Variants in GSDME observed in about 807,000 individuals in gnomAD.
The protein encoded by GSDME is gasdermin-E.
In GSDME, 44 loss-of-function variants were observed where a neutral mutation model predicts 47.5. The ratio of observed to expected loss-of-function variants is 0.93; its 90% CI spans 0.73 to 1.19. GSDME has a LOEUF of 1.19. Ranked by LOEUF, GSDME falls within the 50% of genes most tolerant of loss-of-function variation. GSDME has a pLI of 0.00. For synonymous variants in GSDME, 258 were observed against 252.8 expected (o/e 1.02, Z -0.20); for missense variants, 663 against 604.2 (o/e 1.10, Z -1.02).
At position 24,698,788 on chromosome 7, in the gene GSDME, C is replaced by A; in HGVS notation, c.*238G>T. On this transcript the variant is annotated 3_prime_UTR_variant, in exon 10 of 10. Transcript: ENST00000645220. Reference sequence around the variant, plus strand: ...AATTCTCCGCCCTCCCAGCTCTTTACATGCTGGAACCTAACTCAGATGCTG... The same window carrying A: ...AATTCTCCGCCCTCCCAGCTCTTTAAATGCTGGAACCTAACTCAGATGCTG... The A allele has an allele frequency of 1.8e-6, 1 of 551,284 alleles. No homozygotes were observed. The highest frequency in any genetic ancestry group is 2.0e-5 in the South Asian group (1 of 49,252). 34.1% of individuals were successfully genotyped at this position (551,284 alleles called of 1,614,324 possible).
intron 2 of GSDME, among the ~76,000 whole-genome samples, chr7:24,746,219 T>G (rs1790662829): frequency 2.0e-5 from 3 of 152,192 alleles, no homozygotes; most frequent in African/African-American, 7.2e-5. Flanking sequence ...GGTGTAAAAA[T>G]TTATCCTATT....
chr7:24,790,812 T>A, the GSDME span, among the ~76,000 whole-genome samples: 45 of 152,234 alleles, frequency 3.0e-4, no homozygotes, highest in African/African-American at 9.1e-4. This position sits in a 1 kb window ranked among gnomAD's most constrained non-coding sequence, Gnocchi z 4.1. Context: ...CCTTTTAGGG[T>A]TCCAGCACAT....
the GSDME span, among the ~76,000 whole-genome samples, chr7:24,768,749 G>T: frequency 0.13 from 19,409 of 152,208 alleles, 1,623 homozygotes; most frequent in East Asian, 0.41. The surrounding 1 kb of genome is among the most constrained non-coding windows in gnomAD (Gnocchi z 5.6). Flanking sequence ...AAGCAATCTG[G>T]TTCACCAAAT....
At position 24,698,783 on chromosome 7, in the gene GSDME, C is replaced by G; in HGVS notation, c.*243G>C. On this transcript the variant is annotated 3_prime_UTR_variant, in exon 10 of 10. Coordinates refer to ENST00000645220, the MANE Select transcript of GSDME (RefSeq NM_001127453.2). Reference sequence around the variant, plus strand: ...CTAAGAATTCTCCGCCCTCCCAGCTCTTTACATGCTGGAACCTAACTCAGA... The same window carrying G: ...CTAAGAATTCTCCGCCCTCCCAGCTGTTTACATGCTGGAACCTAACTCAGA... The G allele has an allele frequency of 1.8e-6, 1 of 547,068 alleles. No individual in the cohort carries two copies. The highest frequency in any genetic ancestry group is 3.3e-6 in the Non-Finnish European group (1 of 303,408). The allele number at this position is 547,068 out of a possible 1,614,324, so 33.9% of individuals were successfully genotyped here.
chr7:24,785,009 C>T, the GSDME span, among the ~76,000 whole-genome samples: 179 of 152,346 alleles, frequency 1.2e-3, 1 homozygote, highest in African/African-American at 4.0e-3. Flanking sequence ...TGCACCCTTC[C>T]ATCCAATCAA....
intron 1 of GSDME, among the ~76,000 whole-genome samples, chr7:24,755,481 A>G (rs1790985543): frequency 6.6e-6 from 1 of 152,102 alleles, no homozygotes; most frequent in Non-Finnish European, 1.5e-5. Context: ...CTTTCCCCAA[A>G]TCACCTACTA....
rs967336210 is a variant in GSDME at position 24,712,364 on chromosome 7, C to G, written c.698-1976G>C. ...GCCAGGTCCCCAAAATAATGTGGAA[C>G]CAACTGGCATTTTAAGAATCCACAG... is the stretch of plus-strand genomic sequence containing the variant. On this transcript the variant is annotated intron_variant, in intron 5 of 9. Transcript: ENST00000645220. This position sits in a 1 kb window ranked among gnomAD's most constrained non-coding sequence, Gnocchi z 4.4. 6.6e-6 allele frequency among the ~76,000 whole-genome samples: 1 copy of G among 152,188 alleles called. No homozygotes were observed.
chr7:24,747,670 AT>A (rs144659269), intron 2 of GSDME, among the ~76,000 whole-genome samples: 17,796 of 150,390 alleles, frequency 0.12, 1,252 homozygotes, highest in Middle Eastern at 0.2. Context: ...CTTATTAATC[AT>A]TTTTTTTTTC....
intron 3 of GSDME, among the ~76,000 whole-genome samples, chr7:24,741,782 C>T (rs1468322040): frequency 1.3e-5 from 2 of 152,156 alleles, no homozygotes; most frequent in East Asian, 1.9e-4. Context: ...AGTCCAGAGA[C>T]AGGCAGACAA....
chr7:24,712,013 A>G lies in GSDME; in HGVS notation c.698-1625T>C. Among the ~76,000 whole-genome samples the G allele has an allele frequency of 6.6e-6, 1 of 152,206 alleles. No individual in the cohort carries two copies. Among genetic ancestry groups the G allele is most frequent in the Non-Finnish European group, 1.5e-5 (1 of 68,046 alleles). ...TTGTGTACGTAAGCAAAGGCTATGG[A>G]ATAAAAATGTGGCAGGGCCCCGTAT... is the stretch of plus-strand genomic sequence containing the variant. On this transcript the variant is annotated intron_variant, in intron 5 of 9. Transcript: ENST00000645220. The surrounding 1 kb of genome is among the most constrained non-coding windows in gnomAD (Gnocchi z 4.4).
Position 24,726,761 on chromosome 7 carries a change from C to T in GSDME, c.405-7543G>A, listed in dbSNP as rs532674419. On this transcript the variant is annotated intron_variant, in intron 3 of 9. Transcript: ENST00000645220. This position sits in a 1 kb window ranked among gnomAD's most constrained non-coding sequence, Gnocchi z 5.6. Reference sequence around the variant, plus strand: ...GGTGGAACTTGCAGTGAGCCGAGATCGCCCACTGCACTCCAGCCCGGGGGA... The same window carrying T: ...GGTGGAACTTGCAGTGAGCCGAGATTGCCCACTGCACTCCAGCCCGGGGGA... Among the ~76,000 whole-genome samples, 84 of 150,490 alleles carry T rather than the reference C, an allele frequency of 5.6e-4. 1 individual carries two copies. The highest frequency in any genetic ancestry group is 4.8e-3 in the Admixed American group (72 of 15,112).
intron 3 of GSDME, among the ~76,000 whole-genome samples, chr7:24,741,081 C>A (rs1448240039): frequency 6.6e-6 from 1 of 152,134 alleles, no homozygotes; most frequent in Non-Finnish European, 1.5e-5. Flanking sequence ...CCAACTATCT[C>A]ACCTACAGCT....
chr7:24,778,288 T>C, the GSDME span, among the ~76,000 whole-genome samples: 39 of 151,930 alleles, frequency 2.6e-4, no homozygotes, highest in African/African-American at 8.7e-4. This position sits in a 1 kb window ranked among gnomAD's most constrained non-coding sequence, Gnocchi z 5.6. Context: ...CAGACATGGA[T>C]AGACCAGACA....
At chr7:24,730,369 G>A (rs904858997) in intron 3 of GSDME, among the ~76,000 whole-genome samples, 3 of 152,170 alleles carry the variant, frequency 2.0e-5, no homozygotes, top group African/African-American at 7.2e-5. Flanking sequence ...TTTCTCAATG[G>A]TACATAGAAT....
At position 24,698,902 on chromosome 7, in the gene GSDME, TCAC is replaced by T. The variant is rs1788742945; in HGVS notation, c.*121_*123del. ...GTCAGGTCATTCATCATGCAAAATG[TCAC>T]CACTTCTTAAACTGTTCTGTAAATT... On this transcript the variant is annotated 3_prime_UTR_variant, in exon 10 of 10. Transcript: ENST00000645220. 4 of 777,142 alleles carry T rather than the reference TCAC, an allele frequency of 5.1e-6. No individual in the cohort carries two copies. Among genetic ancestry groups the T allele is most frequent in the African/African-American group, 1.7e-5 (1 of 58,394 alleles). The allele number at this position is 777,142 out of a possible 1,614,324, so 48.1% of individuals were successfully genotyped here. A position where few individuals can be genotyped will look rare whatever the true frequency, so the allele number is the denominator to read the frequency against.
At chr7:24,784,859 C>A in the GSDME span, among the ~76,000 whole-genome samples, 1 of 152,134 alleles carries the variant, frequency 6.6e-6, no homozygotes, top group Admixed American at 6.5e-5. Flanking sequence ...CGCGCCCGGA[C>A]TGCCTTTTTC....
At chr7:24,766,000 G>A in the GSDME span, among the ~76,000 whole-genome samples, 1 of 152,120 alleles carries the variant, frequency 6.6e-6, no homozygotes, top group Non-Finnish European at 1.5e-5. Flanking sequence ...ATCTGGGGAA[G>A]ACATCAAACA....
At chr7:24,711,692 G>A (rs531316833) in intron 5 of GSDME, among the ~76,000 whole-genome samples, 3 of 151,868 alleles carry the variant, frequency 2.0e-5, no homozygotes, top group African/African-American at 7.2e-5. Context: ...ACACATGCCT[G>A]TAATCCCAGC....
At position 24,736,792 on chromosome 7, in the gene GSDME, A is replaced by G. The variant is rs1790320554; in HGVS notation, c.404+7770T>C. 1.3e-5 allele frequency among the ~76,000 whole-genome samples: 2 copies of G among 152,224 alleles called. No individual in the cohort carries two copies. The highest frequency in any genetic ancestry group is 4.8e-5 in the African/African-American group (2 of 41,466). ...AAACAAGTTTCAAAACATCCAAAAA[A>G]TTGAAATAATATAAAGTACCTTCTC... is the stretch of plus-strand genomic sequence containing the variant. On this transcript the variant is annotated intron_variant, in intron 3 of 9. Coordinates refer to ENST00000645220, the MANE Select transcript of GSDME (RefSeq NM_001127453.2). The surrounding 1 kb of genome is among the most constrained non-coding windows in gnomAD (Gnocchi z 4.6).
Sources: allele counts gnomAD v4.1 joint callset (sites outside exome capture counted in the v4.1 genomes callset), GRCh38; gene constraint gnomAD v4.1.1; non-coding constraint Gnocchi (gnomAD v3.1); transcripts MANE v1.5; gene names NCBI Gene and HGNC (gene_info 2026-07-23, HGNC 2026-07-21).